The following EHMT1 variants were observed in gnomAD, a reference collection of about 807,000 sequenced individuals.
EHMT1 encodes the protein histone-lysine N-methyltransferase EHMT1.
Under a neutral mutation model 147.2 loss-of-function variants are expected in EHMT1, and 15 were observed. The ratio of observed to expected loss-of-function variants is 0.10; its 90% CI spans 0.07 to 0.16. The LOEUF is 0.16. Among genes scored for constraint, EHMT1 ranks in the 10% least tolerant of loss-of-function variants. The pLI, the probability that EHMT1 is intolerant of heterozygous loss-of-function variation, is 1.00. For synonymous variants in EHMT1, 795 were observed against 709.6 expected (o/e 1.12, Z -1.91); for missense variants, 1,587 against 1,772.4 (o/e 0.90, Z 1.88).
At chr9:137,722,197 T>C (rs1033481957) in intron 3 of EHMT1, among the ~76,000 whole-genome samples, 1 of 152,232 alleles carries the variant, frequency 6.6e-6, no homozygotes, top group East Asian at 1.9e-4. Context: ...TTTATTCTCA[T>C]ATATTTTTAT....
chr9:137,656,134 C>CT (rs2134009453), intron 1 of EHMT1, among the ~76,000 whole-genome samples: 1 of 152,288 alleles, frequency 6.6e-6, no homozygotes, highest in South Asian at 2.1e-4. Context: ...AATCCCAGCA[C>CT]TTTGAGAGGC....
chr9:137,749,713 A>G lies in EHMT1; in HGVS notation c.1171-2618A>G, dbSNP rs550223118. Among the ~76,000 whole-genome samples the G allele has an allele frequency of 5.3e-5, 8 of 152,336 alleles. 2 individuals are homozygous for G. In the South Asian group the frequency reaches 1.7e-3, roughly 32 times the overall value. On this transcript the variant is annotated intron_variant, in intron 6 of 26. Coordinates refer to ENST00000460843, the MANE Select transcript of EHMT1 (RefSeq NM_024757.5). ...ATGCACAGTGATCAAGCAGCCTCTT[A>G]TAAAGAAGCTCTTGTTCCTTCCTTA...
intron 1 of EHMT1, among the ~76,000 whole-genome samples, chr9:137,659,375 G>T (rs1938824658): frequency 6.6e-6 from 1 of 151,244 alleles, no homozygotes; most frequent in Non-Finnish European, 1.5e-5. Context: ...CTCCTAGTTT[G>T]ACAGTCCTTT....
At chr9:137,718,115 A>C (rs189160078) in intron 3 of EHMT1, among the ~76,000 whole-genome samples, 10 of 129,378 alleles carry the variant, frequency 7.7e-5, no homozygotes, top group Non-Finnish European at 1.2e-4. Context: ...ACGCACCGTG[A>C]TGATTTTCAC....
rs779327273 is a variant in EHMT1, at chr9:137,781,422, TGTGTG to T, written c.2276-865_2276-861del. 9.2e-3 allele frequency among the ~76,000 whole-genome samples: 1,377 copies of T among 148,868 alleles called. 7 individuals carry two copies. Among genetic ancestry groups the T allele is most frequent in the Middle Eastern group, 0.014 (4 of 288 alleles). ...GGGATGTGTGGTGATGATGCTGAGA[TGTGTG>T]GTGATGACGCTGGGATATGCGGTGA... On this transcript the variant is annotated intron_variant, in intron 14 of 26. Coordinates refer to ENST00000460843, the MANE Select transcript of EHMT1 (RefSeq NM_024757.5).
intron 3 of EHMT1, among the ~76,000 whole-genome samples, chr9:137,724,594 T>C (rs994071564): frequency 1.3e-5 from 2 of 152,252 alleles, no homozygotes; most frequent in African/African-American, 2.4e-5. Context: ...CTATTTTCTC[T>C]TCAGGTTTTG....
At chr9:137,753,616 T>A (rs912868839) in intron 7 of EHMT1, among the ~76,000 whole-genome samples, 1 of 152,204 alleles carries the variant, frequency 6.6e-6, no homozygotes, top group Non-Finnish European at 1.5e-5. Flanking sequence ...GCACGTGGCC[T>A]CCTGTGGAGG....
At chr9:137,768,030 C>T (rs1480272585) in intron 10 of EHMT1, among the ~76,000 whole-genome samples, 1 of 152,092 alleles carries the variant, frequency 6.6e-6, no homozygotes, top group Admixed American at 6.5e-5. Flanking sequence ...GTATTCAGTA[C>T]AGTCATGTTT....
Position 137,813,348 on chromosome 9 carries a change from C to T in EHMT1, c.3036-38C>T, listed in dbSNP as rs1371410958. The T allele has an allele frequency of 6.9e-6, 11 of 1,596,076 alleles. No homozygotes were observed. The highest frequency in any genetic ancestry group is 4.0e-5 in the African/African-American group (3 of 74,534). On this transcript the variant is annotated intron_variant, in intron 20 of 26. Transcript: ENST00000460843. This position sits in a 1 kb window ranked among gnomAD's most constrained non-coding sequence, Gnocchi z 4.9. Reference sequence around the variant, plus strand: ...GCTGTGCCACCCCCTGGGCAGAGCACGTCAGCCACCAGGTGACACCTGTCC... The same window carrying T: ...GCTGTGCCACCCCCTGGGCAGAGCATGTCAGCCACCAGGTGACACCTGTCC...
chr9:137,640,087 A>T (rs923849285), intron 1 of EHMT1, among the ~76,000 whole-genome samples: 1 of 151,922 alleles, frequency 6.6e-6, no homozygotes, highest in Non-Finnish European at 1.5e-5. Flanking sequence ...GGCATGTGCC[A>T]CTGTGCCCGG....
intron 1 of EHMT1, among the ~76,000 whole-genome samples, chr9:137,645,802 G>A (rs975199223): frequency 6.6e-6 from 1 of 151,850 alleles, no homozygotes; most frequent in Non-Finnish European, 1.5e-5. Flanking sequence ...TGGCCATATC[G>A]AACTGAGATG....
chr9:137,697,643 A>G (rs1349657869), intron 1 of EHMT1, among the ~76,000 whole-genome samples: 3 of 152,230 alleles, frequency 2.0e-5, no homozygotes, highest in African/African-American at 7.2e-5. Flanking sequence ...TTGGTAAGTT[A>G]GAGTGAATAT....
chr9:137,816,969 A>C, intron 23 of EHMT1: 1 of 218,532 alleles, frequency 4.6e-6, no homozygotes, highest in Non-Finnish European at 9.2e-6. Context: ...AGGCCTGCCC[A>C]ACCACCTTCC....
At position 137,834,818 on chromosome 9, in the gene EHMT1, C is replaced by A; in HGVS notation, c.3762C>A (p.Phe1254Leu). ...TCTGGGACATCAAAGGCAAGCTCTT[C>A]AGCTGCCGCTGCGGCTCCCCCAAGT... is the stretch of plus-strand genomic sequence containing the variant. ...ERFWDIKGKL[F>L]SCRCGSPKCR... Residue 1254 changes from phenylalanine to leucine, a missense_variant, in exon 27 of 27, where the codon TTC (phenylalanine) becomes TTA (leucine). Phe to Leu is a conservative substitution (Grantham distance 22). Around this residue, in one of 7 missense-constraint regions of EHMT1, gnomAD observed 141 missense variants for 150.8 expected, o/e 0.94. Coordinates refer to ENST00000460843, the MANE Select transcript of EHMT1 (RefSeq NM_024757.5). The A allele has an allele frequency of 1.2e-6, 2 of 1,612,600 alleles. No homozygotes were observed. Among genetic ancestry groups the A allele is most frequent in the Non-Finnish European group, 1.7e-6 (2 of 1,179,674 alleles).
At chr9:137,691,908 G>C (rs1253413121) in intron 1 of EHMT1, among the ~76,000 whole-genome samples, 1 of 152,170 alleles carries the variant, frequency 6.6e-6, no homozygotes. Context: ...TGTGTTTCCT[G>C]GCCCTGGTTC....
At chr9:137,713,736 G>A (rs1420641710) in intron 2 of EHMT1, among the ~76,000 whole-genome samples, 2 of 151,962 alleles carry the variant, frequency 1.3e-5, no homozygotes, top group Non-Finnish European at 2.9e-5. Flanking sequence ...GATCACTTGA[G>A]GTCAGGAGTT....
intron 16 of EHMT1, among the ~76,000 whole-genome samples, chr9:137,791,669 TG>T (rs1952534612): frequency 6.6e-6 from 1 of 152,202 alleles, no homozygotes; most frequent in Non-Finnish European, 1.5e-5. Flanking sequence ...AGACTGAATG[TG>T]GTTAAAATGG....
In EHMT1 at chr9:137,731,789, G is replaced by A. The variant is rs182607083; in HGVS notation, c.823+3260G>A. Among the ~76,000 whole-genome samples, 4 of 152,336 alleles carry A rather than the reference G, an allele frequency of 2.6e-5. No homozygotes were observed. The highest frequency in any genetic ancestry group is 3.9e-4 in the East Asian group (2 of 5,190). On this transcript the variant is annotated intron_variant, in intron 4 of 26. Coordinates refer to ENST00000460843, the MANE Select transcript of EHMT1 (RefSeq NM_024757.5). The surrounding 1 kb of genome is among the most constrained non-coding windows in gnomAD (Gnocchi z 4.3). ...CAAGCCAGGAGTGGAGCAGCGAGGC[G>A]TGTGTTGACGAGCAAGCATGGTGTG...
At chr9:137,663,706 T>C (rs1939328417) in intron 1 of EHMT1, among the ~76,000 whole-genome samples, 2 of 152,202 alleles carry the variant, frequency 1.3e-5, no homozygotes, top group African/African-American at 2.4e-5. Context: ...TGATTTCCCA[T>C]GCGAGCACAC....
Sources: gnomAD v4.1 joint callset for allele counts (sites outside exome capture counted in the v4.1 genomes callset) on GRCh38, gnomAD v4.1.1 for gene constraint, gnomAD v4.1.1 regional missense constraint, Gnocchi (gnomAD v3.1) non-coding constraint, MANE v1.5 for transcripts, NCBI Gene and HGNC (gene_info 2026-07-23, HGNC 2026-07-21) for gene names.